The following TECPR1 variants were observed in gnomAD, a reference collection of about 807,000 sequenced individuals.
TECPR1 encodes tectonin beta-propeller repeat-containing protein 1.
A neutral mutation model predicts 162.4 loss-of-function variants in TECPR1; 122 were observed. The ratio of observed to expected loss-of-function variants is 0.75; its 90% CI spans 0.65 to 0.87. The LOEUF (loss-of-function observed/expected upper bound fraction) is 0.87, where lower values mean the gene tolerates loss of function less well. Ranked by LOEUF, TECPR1 falls within the 40% of genes least tolerant of loss-of-function variation. The probability of loss-of-function intolerance (pLI) is 0.00; values close to 1 mark genes in which losing one functional copy is unlikely to be tolerated. For missense variants in TECPR1, 1,432 were observed against 1,618.2 expected (o/e 0.88, Z 1.97); for synonymous variants, 642 against 670.6 (o/e 0.96, Z 0.66).
intron 10 of TECPR1, among the ~76,000 whole-genome samples, chr7:98,235,896 G>A (rs1380482690): frequency 1.4e-5 from 2 of 147,232 alleles, no homozygotes; most frequent in Non-Finnish European, 3.0e-5. Context: ...ATGAGCAAAC[G>A]CCTGCCCTGG....
intron 22 of TECPR1, among the ~76,000 whole-genome samples, 163 bp from the exon 23 acceptor site, chr7:98,221,916 C>T (rs1353864792): frequency 6.6e-6 from 1 of 152,160 alleles, no homozygotes; most frequent in East Asian, 1.9e-4. Flanking sequence ...CAGCACTGTG[C>T]CTGGGGTCTC....
intron 9 of TECPR1, among the ~76,000 whole-genome samples, chr7:98,237,921 C>A (rs1332735675): frequency 6.6e-6 from 1 of 151,852 alleles, no homozygotes; most frequent in Admixed American, 6.6e-5. Flanking sequence ...TACAGGTGCA[C>A]ACCACCACAC....
In TECPR1 at chr7:98,223,726, G is replaced by C; in HGVS notation, c.2691-8C>G. On this transcript the variant is annotated splice_polypyrimidine_tract_variant and splice_region_variant and intron_variant, in intron 19 of 25. Transcript: ENST00000447648. ...TTGGACCCATGGTATGAGCTGCAAGGAGGAAGAAGATGAAATCAGGGCCAC... is the reference window on the plus strand; with the variant it reads ...TTGGACCCATGGTATGAGCTGCAAGCAGGAAGAAGATGAAATCAGGGCCAC... 6.2e-7 allele frequency: 1 copy of C among 1,613,700 alleles called. No individual in the cohort carries two copies. Among genetic ancestry groups the C allele is most frequent in the Non-Finnish European group, 8.5e-7 (1 of 1,179,738 alleles).
At chr7:98,227,818 T>A (rs1584330557) in intron 17 of TECPR1, among the ~76,000 whole-genome samples, 196 bp downstream of exon 17, 1 of 66,642 alleles carries the variant, frequency 1.5e-5, no homozygotes, top group Admixed American at 2.2e-4. Context: ...CAAGACCCTG[T>A]ATCAAAAAAA....
rs367572797 is a variant in TECPR1 at position 98,244,778 on chromosome 7, G to C, written c.409-85C>G. 1.1e-4 allele frequency: 168 copies of C among 1,581,708 alleles called. 3 individuals carry two copies. The highest frequency in any genetic ancestry group is 7.2e-4 in the East Asian group (32 of 44,496). ...AAGGTGGGGAGGGAGGGTGTGGCCT[G>C]AAACACCCGAGCTCAGGCACCACAG... On this transcript the variant is annotated intron_variant, in intron 4 of 25. Transcript: ENST00000447648.
At chr7:98,225,904 C>T (rs1222752142) in intron 17 of TECPR1, among the ~76,000 whole-genome samples, 4 of 152,156 alleles carry the variant, frequency 2.6e-5, no homozygotes, top group African/African-American at 9.7e-5. Context: ...GGATTACAGG[C>T]GTGAATCCCC....
intron 22 of TECPR1, 93 bp from the exon 23 acceptor site, chr7:98,221,846 ATGTGTAGCCTGGTGTCAGC>A: frequency 1.0e-6 from 1 of 955,272 alleles, no homozygotes. Flanking sequence ...TGCCTCTCGG[ATGTGTAGCCTGGTGTCAGC>A]TGTGTGCCAC....
At chr7:98,242,734 CCCAT>C (rs1428095092) in intron 6 of TECPR1, among the ~76,000 whole-genome samples, 1 of 141,614 alleles carries the variant, frequency 7.1e-6, no homozygotes, top group African/African-American at 2.7e-5. Context: ...CATGCACACA[CCCAT>C]CCATCCATCT....
At chr7:98,223,531 C>T in intron 20 of TECPR1, 131 bp downstream of exon 20, 1 of 923,956 alleles carries the variant, frequency 1.1e-6, no homozygotes, top group African/African-American at 1.7e-5. Context: ...CCCTACTCCC[C>T]ACTGCTTCTT....
intron 16 of TECPR1, 87 bp from the exon 17 acceptor site, chr7:98,228,203 G>C (rs1366224243): frequency 1.9e-6 from 2 of 1,073,558 alleles, no homozygotes; most frequent in Non-Finnish European, 2.8e-6. Context: ...GATTCCCAGA[G>C]AGACGGGGAG....
In TECPR1 at chr7:98,238,501, G is replaced by A. The variant is rs751271273; in HGVS notation, c.1035+8C>T. The A allele has an allele frequency of 5.4e-5, 84 of 1,555,696 alleles. No homozygotes were observed. Among genetic ancestry groups the A allele is most frequent in the African/African-American group, 3.1e-4 (23 of 73,222 alleles). On this transcript the variant is annotated splice_region_variant and intron_variant, in intron 9 of 25. Coordinates refer to ENST00000447648, the MANE Select transcript of TECPR1 (RefSeq NM_015395.3). ...TGCTGTTTAGGGGCTGCAGACCCAC[G>A]TGCACACCTGGTCGTTCATTCCCAC...
chr7:98,232,308 C>A lies in TECPR1; in HGVS notation c.1819-349G>T, dbSNP rs1407927211. Among the ~76,000 whole-genome samples, 3 of 152,074 alleles carry A rather than the reference C, an allele frequency of 2.0e-5. No individual in the cohort carries two copies. The highest frequency in any genetic ancestry group is 2.0e-4 in the Admixed American group (3 of 15,264). On this transcript the variant is annotated intron_variant, in intron 12 of 25. Transcript: ENST00000447648. This position sits in a 1 kb window ranked among gnomAD's most constrained non-coding sequence, Gnocchi z 4.6. ...GGCAGAGCTAGAACCCAAACCACAG[C>A]CTACTTGTGTCCAGGGGCCTTTGGA...
intron 11 of TECPR1, 134 bp from the exon 12 acceptor site, chr7:98,233,106 C>A: frequency 8.9e-7 from 1 of 1,129,408 alleles, no homozygotes. Flanking sequence ...CTCCTTCCAC[C>A]CTTTGCCCTG....
chr7:98,224,805 G>C lies in TECPR1; in HGVS notation c.2686C>G (p.Pro896Ala). 6.3e-7 allele frequency: 1 copy of C among 1,581,216 alleles called. No homozygotes were observed. The highest frequency in any genetic ancestry group is 8.6e-7 in the Non-Finnish European group (1 of 1,164,486). The change falls in exon 19 of 26, where the codon CCT becomes GCT. Residue 896 changes from proline (P) to alanine (A), a missense_variant. Physicochemically the swap from Pro to Ala is conservative, Grantham distance 27 (BLOSUM62 -1). Coordinates refer to ENST00000447648, the MANE Select transcript of TECPR1 (RefSeq NM_015395.3). ...QEGWQYASDF[P>A]ASYHGSKTMK... ...CCTGTGCAGGGAGAGGCTTACGCAG[G>C]GAAGTCGCTGGCATACTGCCACCCC...
intron 17 of TECPR1, among the ~76,000 whole-genome samples, chr7:98,227,691 A>AG (rs764015617): frequency 6.7e-6 from 1 of 150,236 alleles, no homozygotes; most frequent in Non-Finnish European, 1.5e-5. Context: ...GAGTGGTGCC[A>AG]GGCGCCTGTA....
In TECPR1 at chr7:98,228,122, G is replaced by A; in HGVS notation, c.2411-6C>T. The A allele has an allele frequency of 6.2e-7, 1 of 1,606,442 alleles. No individual in the cohort carries two copies. The highest frequency in any genetic ancestry group is 8.5e-7 in the Non-Finnish European group (1 of 1,176,542). ...ACTGGTGCTGCTGGCCAGGCCTGTG[G>A]GGAGAGGTGGCTGCTGGGACCGAGG... On this transcript the variant is annotated splice_region_variant and splice_polypyrimidine_tract_variant and intron_variant, in intron 16 of 25. Transcript: ENST00000447648.
At chr7:98,240,196 A>G (rs943319945) in intron 8 of TECPR1, among the ~76,000 whole-genome samples, 1 of 152,172 alleles carries the variant, frequency 6.6e-6, no homozygotes, top group African/African-American at 2.4e-5. Flanking sequence ...GCAAAAGACA[A>G]GCAGTGACTA....
At chr7:98,220,802 T>C (rs1049701724) in intron 23 of TECPR1, among the ~76,000 whole-genome samples, 4 of 151,934 alleles carry the variant, frequency 2.6e-5, no homozygotes, top group African/African-American at 4.8e-5. Flanking sequence ...GTGATCCGCC[T>C]GCTCCGGCCT....
Position 98,233,706 on chromosome 7 carries a change from G to A in TECPR1, c.1387C>T (p.Pro463Ser). 1.9e-6 allele frequency: 3 copies of A among 1,611,734 alleles called. No individual in the cohort carries two copies. Among genetic ancestry groups the A allele is most frequent in the Non-Finnish European group, 2.5e-6 (3 of 1,179,218 alleles). The change falls in exon 11 of 26, where the codon CCA (proline) becomes TCA (serine). Residue 463 changes from proline to serine, a missense_variant. Physicochemically the swap from Pro to Ser is moderately conservative, Grantham distance 74. Coordinates refer to ENST00000447648, the MANE Select transcript of TECPR1 (RefSeq NM_015395.3). ...CTGGCCTCCCTGCTGCCCTCGGCTG[G>A]GCAGGCATCTTCCACGGTATCTTCT... ...TAEDTVEDAC[P>S]AEGSREARPN...
Sources: allele counts gnomAD v4.1 joint callset (sites outside exome capture counted in the v4.1 genomes callset), GRCh38; gene constraint gnomAD v4.1.1; non-coding constraint Gnocchi (gnomAD v3.1); transcripts MANE v1.5; gene names NCBI Gene and HGNC (gene_info 2026-07-23, HGNC 2026-07-21).